The following ARFGEF2 variants were observed in gnomAD, a reference collection of about 807,000 sequenced individuals.
ARFGEF2 encodes the protein ARF guanine nucleotide exchange factor 2, also known as brefeldin A-inhibited guanine nucleotide-exchange protein 2.
Under a neutral mutation model 219.9 loss-of-function variants are expected in ARFGEF2, and 74 were observed. That is an observed-to-expected ratio of 0.34 (90% confidence interval 0.28 to 0.41). The LOEUF (loss-of-function observed/expected upper bound fraction) is 0.41, where lower values mean the gene tolerates loss of function less well. Among genes scored for constraint, ARFGEF2 ranks in the 10% least tolerant of loss-of-function variants. The probability of loss-of-function intolerance (pLI) is 1.00; values close to 1 mark genes in which losing one functional copy is unlikely to be tolerated. For missense variants in ARFGEF2, 1,743 were observed against 2,218.3 expected (o/e 0.79, Z 4.30); for synonymous variants, 733 against 799.2 (o/e 0.92, Z 1.40).
At chr20:48,999,848 C>T (rs1293531132) in intron 25 of ARFGEF2, among the ~76,000 whole-genome samples, 2 of 151,454 alleles carry the variant, frequency 1.3e-5, no homozygotes, top group Non-Finnish European at 2.9e-5. Flanking sequence ...TACCAAAACA[C>T]ATTTCATGAT....
chr20:49,012,753 G>C (rs934263043), intron 28 of ARFGEF2, among the ~76,000 whole-genome samples: 2 of 152,182 alleles, frequency 1.3e-5, no homozygotes, highest in Admixed American at 6.5e-5. Flanking sequence ...CTTAGTACTT[G>C]TTGGGCACCA....
intron 1 of ARFGEF2, among the ~76,000 whole-genome samples, chr20:48,929,066 G>T (rs1403286190): frequency 6.6e-6 from 1 of 152,216 alleles, no homozygotes; most frequent in African/African-American, 2.4e-5. Context: ...TATATAAATA[G>T]CTCAGAGCTG....
Position 48,941,237 on chromosome 20 carries a change from A to G in ARFGEF2, c.152+8A>G. On this transcript the variant is annotated splice_region_variant and intron_variant, in intron 2 of 38. Transcript: ENST00000371917. ...AGAAATAGAAAAGCAGAGGTAAGCT[A>G]TAGCACTACCTCCTTGCTGAGATAC... is the stretch of plus-strand genomic sequence containing the variant. 6.2e-7 allele frequency: 1 copy of G among 1,613,232 alleles called. No homozygotes were observed.
intron 29 of ARFGEF2, 31 bp downstream of exon 29, chr20:49,013,725 C>T (rs372214469): frequency 3.1e-6 from 5 of 1,613,974 alleles, no homozygotes; most frequent in Admixed American, 3.3e-5. Flanking sequence ...TGGCCCCTTA[C>T]ATCACTGAAA....
At chr20:49,005,026 T>G in intron 25 of ARFGEF2, 44 bp from the exon 26 acceptor site, 2 of 1,613,554 alleles carry the variant, frequency 1.2e-6, no homozygotes. Context: ...CGTCGGTCAT[T>G]ATTACACTAT....
intron 25 of ARFGEF2, chr20:48,999,239 G>GA (rs747080320): frequency 2.4e-4 from 108 of 444,492 alleles, no homozygotes; most frequent in Middle Eastern, 7.4e-4. Context: ...CTTCGTCTCA[G>GA]AAAAAAAAAT....
intron 2 of ARFGEF2, among the ~76,000 whole-genome samples, chr20:48,941,599 C>T (rs563239749): frequency 1.3e-5 from 2 of 152,318 alleles, no homozygotes; most frequent in Non-Finnish European, 2.9e-5. Flanking sequence ...CCGTTAGTCA[C>T]GTTTCAGAGA....
In ARFGEF2 at chr20:48,985,764, T is replaced by A. The variant is rs550542823; in HGVS notation, c.2276+151T>A. ...TGCCAGGCACTGTGCTAAGGGATTA[T>A]TTCACATAAGACCTCACAGCAACCT... is the stretch of plus-strand genomic sequence containing the variant. On this transcript the variant is annotated intron_variant, in intron 16 of 38. Coordinates refer to ENST00000371917, the MANE Select transcript of ARFGEF2 (RefSeq NM_006420.3). 9 of 866,690 alleles carry A rather than the reference T, an allele frequency of 1.0e-5. No homozygotes were observed. The African/African-American group carries it at 1.2e-4, about 11-fold the overall frequency. 53.7% of individuals were successfully genotyped at this position (866,690 alleles called of 1,614,324 possible). A position where few individuals can be genotyped will look rare whatever the true frequency, so the allele number is the denominator to read the frequency against.
At position 49,025,397 on chromosome 20, in the gene ARFGEF2, C is replaced by T; in HGVS notation, c.4840C>T (p.Leu1614=). The T allele has an allele frequency of 6.2e-7, 1 of 1,614,102 alleles. No individual in the cohort carries two copies. The highest frequency in any genetic ancestry group is 8.5e-7 in the Non-Finnish European group (1 of 1,179,978). Residue 1614 remains leucine (L), a synonymous_variant, in exon 36 of 39, where the codon CTG becomes TTG. Transcript: ENST00000371917. The part of the protein sequence containing the change: ...KYMSSQHLFK[L]LDCLQESHSF... Reference sequence around the variant, plus strand: ...CATGTCTTCCCAGCACCTCTTCAAGCTGTTGGACTGTTTGCAGGAATCCCA... The same window carrying T: ...CATGTCTTCCCAGCACCTCTTCAAGTTGTTGGACTGTTTGCAGGAATCCCA...
chr20:48,994,407 G>C, intron 21 of ARFGEF2, 44 bp from the exon 22 acceptor site: 4 of 1,611,688 alleles, frequency 2.5e-6, no homozygotes, highest in Non-Finnish European at 3.4e-6. Context: ...CCTTTTTCTA[G>C]CTGTAAGGTA....
intron 36 of ARFGEF2, among the ~76,000 whole-genome samples, chr20:49,025,803 G>A (rs759945521): frequency 3.3e-5 from 5 of 150,226 alleles, no homozygotes; most frequent in Admixed American, 6.6e-5. Flanking sequence ...CCAACATGGC[G>A]AAACCCCATC....
At chr20:48,935,923 A>G (rs1281718788) in intron 1 of ARFGEF2, among the ~76,000 whole-genome samples, 3 of 92,358 alleles carry the variant, frequency 3.2e-5, no homozygotes, top group Non-Finnish European at 6.0e-5. Flanking sequence ...CACTTCCCGC[A>G]TGGGGCGGCT....
chr20:49,023,828 G>A (rs1416564351), intron 35 of ARFGEF2, among the ~76,000 whole-genome samples: 11 of 152,000 alleles, frequency 7.2e-5, no homozygotes, highest in African/African-American at 2.4e-4. Context: ...GTGAGCCACC[G>A]CGCCCGGCCT....
At position 48,976,093 on chromosome 20, in the gene ARFGEF2, A is replaced by G. The variant is rs774168472; in HGVS notation, c.1852A>G (p.Met618Val). ...DMARRCSVTS[M>V]ESTVSSGTQT... ...GGCAAGACGGTGTAGTGTGACGTCC[A>G]TGGAGTCCACAGTGTCCTCGGGGAC... The change falls in exon 14 of 39, where the codon ATG becomes GTG. Residue 618 changes from methionine (M) to valine (V), a missense_variant. Coordinates refer to ENST00000371917, the MANE Select transcript of ARFGEF2 (RefSeq NM_006420.3). 36 of 1,613,624 alleles carry G rather than the reference A, an allele frequency of 2.2e-5. No individual in the cohort carries two copies. The highest frequency in any genetic ancestry group is 2.7e-5 in the Non-Finnish European group (32 of 1,180,034).
At chr20:48,943,354 A>T (rs1457486936) in intron 3 of ARFGEF2, among the ~76,000 whole-genome samples, 2 of 152,204 alleles carry the variant, frequency 1.3e-5, no homozygotes, top group Admixed American at 6.5e-5. Context: ...AATAATGAAG[A>T]CTGACTGTAT....
At chr20:48,996,012 G>C in intron 23 of ARFGEF2, 130 bp downstream of exon 23, 2 of 816,900 alleles carry the variant, frequency 2.4e-6, no homozygotes, top group Non-Finnish European at 4.2e-6. Context: ...TTGCTTAAGT[G>C]TCACATTTAT....
chr20:48,976,972 T>C (rs2091266251), intron 14 of ARFGEF2, among the ~76,000 whole-genome samples: 1 of 151,886 alleles, frequency 6.6e-6, no homozygotes, highest in East Asian at 1.9e-4. Context: ...TTTTATTTTA[T>C]TTTATTTTAT....
At chr20:48,922,483 C>G (rs910751691) in intron 1 of ARFGEF2, among the ~76,000 whole-genome samples, 2 of 152,168 alleles carry the variant, frequency 1.3e-5, no homozygotes, top group Non-Finnish European at 2.9e-5. Context: ...GTTTGGGGAT[C>G]TCCCATAGCT....
intron 36 of ARFGEF2, 104 bp downstream of exon 36, chr20:49,025,585 T>G: frequency 2.3e-6 from 3 of 1,277,004 alleles, no homozygotes; most frequent in Non-Finnish European, 3.4e-6. Flanking sequence ...CTAGAATAAC[T>G]TAACAGATAT....
Sources: allele counts gnomAD v4.1 joint callset (sites outside exome capture counted in the v4.1 genomes callset), GRCh38; gene constraint gnomAD v4.1.1; transcripts MANE v1.5; gene names NCBI Gene and HGNC (gene_info 2026-07-23, HGNC 2026-07-21).